GLIS3: variants seen among roughly 807,000 people sequenced by gnomAD.
GLIS3 encodes zinc finger protein GLIS3.
GLIS3 carries 53 observed loss-of-function variants against 78.6 expected under a neutral mutation model. The ratio of observed to expected loss-of-function variants is 0.67; its 90% CI spans 0.54 to 0.85. GLIS3 has a LOEUF of 0.85. Among genes scored for constraint, GLIS3 ranks in the 40% least tolerant of loss-of-function variants. GLIS3 has a pLI of 0.00. For synonymous variants in GLIS3, 684 were observed against 509.9 expected (o/e 1.34, Z -4.60); for missense variants, 1,703 against 1,231.1 (o/e 1.38, Z -5.74).
chr9:4,253,886 C>T (rs200260987), intron 2 of GLIS3, among the ~76,000 whole-genome samples: 29 of 152,162 alleles, frequency 1.9e-4, no homozygotes, highest in African/African-American at 5.1e-4. Flanking sequence ...TTGCACTTCC[C>T]GGGTAAGGTG....
chr9:3,966,177 T>C (rs921064488), intron 4 of GLIS3, among the ~76,000 whole-genome samples: 3 of 152,238 alleles, frequency 2.0e-5, no homozygotes, highest in Admixed American at 6.5e-5. Flanking sequence ...CTAAAACACA[T>C]GCCTGGCACA....
chr9:4,029,533 T>C (rs1823637054), intron 4 of GLIS3, among the ~76,000 whole-genome samples: 1 of 152,152 alleles, frequency 6.6e-6, no homozygotes, highest in South Asian at 2.1e-4. Context: ...CATTGAATAG[T>C]AGGTCTTATG....
intron 4 of GLIS3, chr9:4,054,132 C>A (rs779846774): frequency 6.5e-6 from 1 of 154,440 alleles, no homozygotes; most frequent in Admixed American, 6.6e-5. Context: ...GATGAAGACA[C>A]AATAGCTTGG....
chr9:4,185,656 T>A (rs67442516), intron 2 of GLIS3, among the ~76,000 whole-genome samples: 20,638 of 152,200 alleles, frequency 0.14, 1,556 homozygotes, highest in Middle Eastern at 0.23. Flanking sequence ...AATGGCCAGT[T>A]TGAAGAAGGG....
At chr9:4,269,225 T>C (rs1435207141) in intron 2 of GLIS3, among the ~76,000 whole-genome samples, 1 of 152,178 alleles carries the variant, frequency 6.6e-6, no homozygotes, top group Non-Finnish European at 1.5e-5. Context: ...CACTTGAGAT[T>C]TGTGACCTTC....
chr9:4,432,835 T>C, the GLIS3 span, among the ~76,000 whole-genome samples: 1 of 151,884 alleles, frequency 6.6e-6, no homozygotes, highest in African/African-American at 2.4e-5. Context: ...GAGATGCAGT[T>C]TCATCACGTT....
chr9:4,341,756 T>C (rs999433602), intron 2 of GLIS3, among the ~76,000 whole-genome samples: 2 of 152,180 alleles, frequency 1.3e-5, no homozygotes, highest in Admixed American at 6.5e-5. Flanking sequence ...CTAAGGAAAA[T>C]TCCTCCACTT....
chr9:4,055,658 G>C (rs1041327410), intron 4 of GLIS3, among the ~76,000 whole-genome samples: 1 of 152,170 alleles, frequency 6.6e-6, no homozygotes, highest in Admixed American at 6.5e-5. Flanking sequence ...AGGAAACGAG[G>C]AATGATGGTG....
the GLIS3 span, among the ~76,000 whole-genome samples, chr9:4,452,283 C>A: frequency 6.6e-6 from 1 of 152,184 alleles, no homozygotes. Context: ...TGTCCTCTCT[C>A]ACCACCCTTA....
chr9:4,024,454 A>G (rs924298358), intron 4 of GLIS3, among the ~76,000 whole-genome samples: 1 of 152,192 alleles, frequency 6.6e-6, no homozygotes, highest in East Asian at 1.9e-4. Flanking sequence ...TGGAGCAGCC[A>G]AGGTAGCAGA....
chr9:3,938,904 A>C (rs544107397), intron 4 of GLIS3, among the ~76,000 whole-genome samples: 2 of 152,260 alleles, frequency 1.3e-5, no homozygotes, highest in South Asian at 4.1e-4. Context: ...TTAAACCCCA[A>C]CTCATTGCTA....
rs1041052290 is a variant in GLIS3 at position 4,294,474 on chromosome 9, T to C, written c.-99+4947A>G. Among the ~76,000 whole-genome samples the C allele has an allele frequency of 7.9e-5, 12 of 152,108 alleles. No individual in the cohort carries two copies. In the South Asian group the frequency reaches 2.5e-3, roughly 32 times the overall value. On this transcript the variant is annotated intron_variant, in intron 1 of 10. Coordinates refer to ENST00000381971, the MANE Select transcript of GLIS3 (RefSeq NM_001042413.2). ...CAGTAAGCCAAGATCACACCATTGC[T>C]TTCCAGCCTGGGCAGCAAGAGCGAA...
chr9:4,360,024 C>CAA, the GLIS3 span, among the ~76,000 whole-genome samples: 3 of 134,052 alleles, frequency 2.2e-5, no homozygotes, highest in South Asian at 2.4e-4. Context: ...TCAGGATTTG[C>CAA]AAAAAAAAAA....
chr9:4,259,400 C>A (rs1312075358), intron 2 of GLIS3, among the ~76,000 whole-genome samples: 1 of 152,040 alleles, frequency 6.6e-6, no homozygotes, highest in African/African-American at 2.4e-5. Flanking sequence ...ATGAAAAACA[C>A]TGGAGAGTGC....
At chr9:4,143,890 T>C (rs554701880) in intron 2 of GLIS3, among the ~76,000 whole-genome samples, 3 of 152,344 alleles carry the variant, frequency 2.0e-5, no homozygotes, top group Non-Finnish European at 4.4e-5. Context: ...GGCGAAACCA[T>C]CTAAATGTTT....
intron 2 of GLIS3, among the ~76,000 whole-genome samples, chr9:4,241,209 G>C (rs1374923594): frequency 6.6e-6 from 1 of 152,104 alleles, no homozygotes; most frequent in Non-Finnish European, 1.5e-5. Flanking sequence ...AGACGTGAAA[G>C]GAAAGCAAAG....
intron 4 of GLIS3, among the ~76,000 whole-genome samples, chr9:4,027,297 A>C (rs769986979): frequency 2.6e-5 from 4 of 152,348 alleles, no homozygotes; most frequent in Non-Finnish European, 4.4e-5. Flanking sequence ...TTTAAGGCAC[A>C]AGAAGACAAT....
intron 2 of GLIS3, among the ~76,000 whole-genome samples, chr9:4,322,427 T>C (rs982337498): frequency 6.6e-6 from 1 of 152,174 alleles, no homozygotes; most frequent in African/African-American, 2.4e-5. Flanking sequence ...AGTAATGGGA[T>C]TGCTGGGTCA....
chr9:4,149,165 T>C (rs1834471362), intron 2 of GLIS3, among the ~76,000 whole-genome samples: 1 of 152,164 alleles, frequency 6.6e-6, no homozygotes, highest in Non-Finnish European at 1.5e-5. Context: ...CATCTATACA[T>C]TAAAAATGAA....
Sources: gnomAD v4.1 joint callset for allele counts (sites outside exome capture counted in the v4.1 genomes callset) on GRCh38, gnomAD v4.1.1 for gene constraint, MANE v1.5 for transcripts, NCBI Gene and HGNC (gene_info 2026-07-23, HGNC 2026-07-21) for gene names.